Variants in NDOR1 observed in about 807,000 individuals in gnomAD.
The protein encoded by NDOR1 is NADPH dependent diflavin oxidoreductase 1, also known as NADPH-dependent diflavin oxidoreductase 1.
A neutral mutation model predicts 67.2 loss-of-function variants in NDOR1; 61 were observed. The ratio of observed to expected loss-of-function variants is 0.91; its 90% confidence interval spans 0.74 to 1.12. The LOEUF is 1.12. Ranked by LOEUF, NDOR1 falls within the 50% of genes most tolerant of loss-of-function variation. The probability of loss-of-function intolerance (pLI) is 0.00; values close to 1 mark genes in which losing one functional copy is unlikely to be tolerated. For synonymous variants in NDOR1, 378 were observed against 343.7 expected, an observed-to-expected ratio of 1.10 and a Z score of -1.10; for missense variants, 878 against 802.8, an observed-to-expected ratio of 1.09 and a Z score of -1.13.
intron 2 of NDOR1, among the ~76,000 whole-genome samples, chr9:137,208,789 A>G (rs1319532914): frequency 2.0e-5 from 3 of 150,032 alleles, no homozygotes; most frequent in Non-Finnish European, 3.0e-5. Context: ...ACACCACTAC[A>G]CTCCAGCCTG....
In NDOR1 at chr9:137,215,848, C is replaced by T. The variant is rs909590782; in HGVS notation, c.1435+43C>T. On this transcript the variant is annotated intron_variant, in intron 11 of 13. Transcript: ENST00000684003. Reference sequence around the variant, plus strand: ...CCGGGCAGGGTTGTTGCCAGGGCTCCCCAGCTGAACCTCAAGGACCTGTGG... The same window carrying T: ...CCGGGCAGGGTTGTTGCCAGGGCTCTCCAGCTGAACCTCAAGGACCTGTGG... 5.0e-6 allele frequency: 8 copies of T among 1,609,166 alleles called. No individual in the cohort carries two copies. In the African/African-American group the frequency reaches 5.3e-5, roughly 11 times the overall value.
At position 137,217,557 on chromosome 9, in the gene NDOR1, C is replaced by T. The variant is rs1305992367; in HGVS notation, c.*1141C>T. 1 of 163,386 alleles carries T rather than the reference C, an allele frequency of 6.1e-6. No individual in the cohort carries two copies. The highest frequency in any genetic ancestry group is 2.4e-5 in the African/African-American group (1 of 41,942). The allele number at this position is 163,386 out of a possible 1,614,324, so 10.1% of individuals were successfully genotyped here. On this transcript the variant is annotated 3_prime_UTR_variant, in exon 14 of 14. Transcript: ENST00000684003. ...GGCGGGTCGCTGGCACAGGACTAAA[C>T]ATGGCTGAGGCTGGGCTCCAGCCAG...
chr9:137,206,388 A>G (rs1588786846), intron 2 of NDOR1, 79 bp downstream of exon 2: 3 of 1,395,180 alleles, frequency 2.2e-6, no homozygotes, highest in African/African-American at 1.4e-5. Context: ...GTCTAGGTGC[A>G]GTAAATAGCT....
chr9:137,205,907 C>A lies in NDOR1; in HGVS notation c.130C>A (p.Pro44Thr). The A allele has an allele frequency of 6.3e-7, 1 of 1,591,138 alleles. No individual in the cohort carries two copies. The highest frequency in any genetic ancestry group is 8.5e-7 in the Non-Finnish European group (1 of 1,174,482). Residue 44 changes from proline to threonine, a missense_variant, in exon 1 of 14, where the codon CCG (proline) becomes ACG (threonine). Pro to Thr is a conservative substitution (Grantham distance 38). Transcript: ENST00000684003. ...CCGGGTGCAGGCCCTGGACTCCTACCCGGTGGTGAGGGCTCGCTAGGGCCT... is the reference window on the plus strand; with the variant it reads ...CCGGGTGCAGGCCCTGGACTCCTACACGGTGGTGAGGGCTCGCTAGGGCCT... The part of the protein sequence containing the change: ...GCRVQALDSY[P>T]VVNLINEPLV...
rs758757575 is a variant in NDOR1 at position 137,214,340 on chromosome 9, C to A, written c.649C>A (p.Gln217Lys). The change falls in exon 6 of 14, where the codon CAG becomes AAG. Residue 217 changes from glutamine to lysine, a missense_variant. By Grantham distance (53) the Gln-to-Lys change is moderately conservative. Coordinates refer to ENST00000684003, the MANE Select transcript of NDOR1 (RefSeq NM_014434.4). ...CTTCCTAGCACCCATGATCTCCAAC[C>A]AGAGAGTCACCGGCCCCTCCCACTT... Reference protein sequence around the residue: ...KPFLAPMISNQRVTGPSHFQD... With the variant: ...KPFLAPMISNKRVTGPSHFQD... The A allele has an allele frequency of 1.2e-6, 2 of 1,614,162 alleles. No homozygotes were observed. The highest frequency in any genetic ancestry group is 2.7e-5 in the African/African-American group (2 of 75,046).
intron 2 of NDOR1, among the ~76,000 whole-genome samples, chr9:137,206,638 C>T (rs1834984758): frequency 6.6e-6 from 1 of 152,186 alleles, no homozygotes; most frequent in South Asian, 2.1e-4. Context: ...ATCTTTTAAG[C>T]ACATATTCTA....
intron 5 of NDOR1, 35 bp downstream of exon 5, chr9:137,214,103 C>T (rs1469056757): frequency 1.3e-6 from 2 of 1,529,726 alleles, no homozygotes; most frequent in South Asian, 2.4e-5. Flanking sequence ...ACAGGCGCAG[C>T]AGACCCAACC....
chr9:137,213,994 G>A lies in NDOR1; in HGVS notation c.438G>A (p.Leu146=), dbSNP rs1301930673. ...LGPDAAVDPW[L]RDLWDRVLGL... is the part of the protein sequence containing the mutation. ...CCGACGCTGCTGTGGACCCCTGGCT[G>A]CGAGACTTGTGGGACAGGGTTCTGG... is the stretch of plus-strand genomic sequence containing the variant. The change falls in exon 5 of 14, where the codon CTG becomes CTA. Residue 146 remains leucine (L), a synonymous_variant. Coordinates refer to ENST00000684003, the MANE Select transcript of NDOR1 (RefSeq NM_014434.4). 11 of 1,555,530 alleles carry A rather than the reference G, an allele frequency of 7.1e-6. No individual in the cohort carries two copies. The highest frequency in any genetic ancestry group is 9.6e-6 in the Non-Finnish European group (11 of 1,151,324).
rs925089726 is a variant in NDOR1, at chr9:137,218,111, C to T, written c.*1695C>T. On this transcript the variant is annotated 3_prime_UTR_variant, in exon 14 of 14. Coordinates refer to ENST00000684003, the MANE Select transcript of NDOR1 (RefSeq NM_014434.4). ...CACAGAGCCCTACGGGCCCAGAGAG[C>T]GCCGCCTGGCCCTGCTGAACTGTAG... 1.0e-5 allele frequency: 4 copies of T among 398,676 alleles called. No individual in the cohort carries two copies. Among genetic ancestry groups the T allele is most frequent in the Admixed American group, 4.4e-5 (1 of 22,722 alleles). The allele number at this position is 398,676 out of a possible 1,614,324, so 24.7% of individuals were successfully genotyped here. A position where few individuals can be genotyped will look rare whatever the true frequency, so the allele number is the denominator to read the frequency against.
At chr9:137,205,933 C>T (rs1437010522) in intron 1 of NDOR1, 21 bp downstream of exon 1, 1 of 1,568,112 alleles carries the variant, frequency 6.4e-7, no homozygotes, top group South Asian at 1.1e-5. Flanking sequence ...GCTAGGGCCT[C>T]GGCGTGGGGG....
chr9:137,216,527 G>T lies in NDOR1; in HGVS notation c.*111G>T. 1 of 1,393,522 alleles carries T rather than the reference G, an allele frequency of 7.2e-7. No homozygotes were observed. The highest frequency in any genetic ancestry group is 1.4e-5 in the South Asian group (1 of 71,042). 86.3% of individuals were successfully genotyped at this position (1,393,522 alleles called of 1,614,324 possible). ...CGTCATCCTCTCGGACCAGCCAGCT[G>T]GTCCTCTGGGAACAGCCAGCTCCCG... is the stretch of plus-strand genomic sequence containing the variant. On this transcript the variant is annotated 3_prime_UTR_variant, in exon 14 of 14. Transcript: ENST00000684003.
At chr9:137,207,664 A>G (rs1835037398) in intron 2 of NDOR1, among the ~76,000 whole-genome samples, 1 of 152,138 alleles carries the variant, frequency 6.6e-6, no homozygotes, top group South Asian at 2.1e-4. Flanking sequence ...TGTTCCAGGA[A>G]GGGCTCTGGC....
chr9:137,216,551 C>G lies in NDOR1; in HGVS notation c.*135C>G. Reference sequence around the variant, plus strand: ...TGGTCCTCTGGGAACAGCCAGCTCCCGAGCACAGCCGCACTCCTGTTGACC... The same window carrying G: ...TGGTCCTCTGGGAACAGCCAGCTCCGGAGCACAGCCGCACTCCTGTTGACC... On this transcript the variant is annotated 3_prime_UTR_variant, in exon 14 of 14. Coordinates refer to ENST00000684003, the MANE Select transcript of NDOR1 (RefSeq NM_014434.4). The G allele has an allele frequency of 1.7e-6, 2 of 1,160,890 alleles. No homozygotes were observed. Among genetic ancestry groups the G allele is most frequent in the Non-Finnish European group, 2.4e-6 (2 of 844,562 alleles). The allele number at this position is 1,160,890 out of a possible 1,614,324, so 71.9% of individuals were successfully genotyped here. A position where few individuals can be genotyped will look rare whatever the true frequency, so the allele number is the denominator to read the frequency against.
rs774906704 is a variant in NDOR1 at position 137,214,768 on chromosome 9, G to A, written c.845-30G>A. The A allele has an allele frequency of 7.5e-6, 12 of 1,596,606 alleles. No homozygotes were observed. In the African/African-American group the frequency reaches 1.5e-4, roughly 20 times the overall value. On this transcript the variant is annotated intron_variant, in intron 7 of 13. Coordinates refer to ENST00000684003, the MANE Select transcript of NDOR1 (RefSeq NM_014434.4). ...CCCCCACCCCAAGGGCTCCGCCGCA[G>A]CCCACGGAGGCCTCCCACTCACCCT...
At position 137,216,391 on chromosome 9, in the gene NDOR1, G is replaced by A. The variant is rs751527648; in HGVS notation, c.1769G>A (p.Arg590His). The change falls in exon 14 of 14, where the codon CGC becomes CAC. Residue 590 changes from arginine (R) to histidine (H), a missense_variant. Transcript: ENST00000684003. ...AYLARLQQTR[R>H]FQTETWA Reference sequence around the variant, plus strand: ...CTAGCCAGGCTCCAGCAGACACGGCGCTTCCAGACAGAGACGTGGGCCTGA... The same window carrying A: ...CTAGCCAGGCTCCAGCAGACACGGCACTTCCAGACAGAGACGTGGGCCTGA... 18 of 1,605,694 alleles carry A rather than the reference G, an allele frequency of 1.1e-5. No homozygotes were observed. The highest frequency in any genetic ancestry group is 6.7e-5 in the African/African-American group (5 of 74,918).
In NDOR1 at chr9:137,212,547, C is replaced by G. The variant is rs776731050; in HGVS notation, c.259C>G (p.Leu87Val). 5 of 1,614,008 alleles carry G rather than the reference C, an allele frequency of 3.1e-6. No homozygotes were observed. The highest frequency in any genetic ancestry group is 2.2e-5 in the East Asian group (1 of 44,900). Residue 87 changes from leucine (L) to valine (V), a missense_variant, in exon 3 of 14, where the codon CTC (leucine) becomes GTC (valine). By Grantham distance (32) the Leu-to-Val change is conservative (BLOSUM62 1). Coordinates refer to ENST00000684003, the MANE Select transcript of NDOR1 (RefSeq NM_014434.4). This position sits in a 1 kb window ranked among gnomAD's most constrained non-coding sequence, Gnocchi z 4.3. ...CCGGAAGAACCTGCCCTCCACTGCC[C>G]TCTGTCAGATGGACTTTGCCGTCCT... ...IFRKNLPSTA[L>V]CQMDFAVLGL...
At chr9:137,207,576 A>C (rs1204590470) in intron 2 of NDOR1, among the ~76,000 whole-genome samples, 2 of 152,142 alleles carry the variant, frequency 1.3e-5, no homozygotes, top group Non-Finnish European at 2.9e-5. Context: ...AGAACGTTAG[A>C]GCCCAGGAGG....
chr9:137,207,666 G>T (rs542018950), intron 2 of NDOR1, among the ~76,000 whole-genome samples: 24 of 152,222 alleles, frequency 1.6e-4, no homozygotes, highest in Admixed American at 1.5e-3. Flanking sequence ...TTCCAGGAAG[G>T]GCTCTGGCAT....
chr9:137,206,517 G>A (rs1834977008), intron 2 of NDOR1, among the ~76,000 whole-genome samples: 1 of 152,258 alleles, frequency 6.6e-6, no homozygotes, highest in East Asian at 1.9e-4. Flanking sequence ...CTTATTATCC[G>A]TTTTAACCTT....
Sources: allele counts gnomAD v4.1 joint callset (sites outside exome capture counted in the v4.1 genomes callset), GRCh38; gene constraint gnomAD v4.1.1; non-coding constraint Gnocchi (gnomAD v3.1); transcripts MANE v1.5; gene names NCBI Gene and HGNC (gene_info 2026-07-23, HGNC 2026-07-21).